GOLM2: variants seen among roughly 807,000 people sequenced by gnomAD.
GOLM2 encodes the protein golgi membrane protein 2, also known as protein GOLM2.
A neutral mutation model predicts 55.9 loss-of-function variants in GOLM2; 26 were observed. The ratio of observed to expected loss-of-function variants is 0.47; its 90% CI spans 0.34 to 0.65. The LOEUF is 0.65. GOLM2 is among the 30% of genes least tolerant of loss of function. The pLI is 0.01. For missense variants in GOLM2, 486 were observed against 531.8 expected (o/e 0.91, Z 0.85); for synonymous variants, 165 against 194.6 (o/e 0.85, Z 1.27).
intron 1 of GOLM2, among the ~76,000 whole-genome samples, chr15:44,291,642 ACTATTTT>A (rs1163088861): frequency 6.6e-6 from 1 of 152,106 alleles, no homozygotes; most frequent in Non-Finnish European, 1.5e-5. Flanking sequence ...CTATTTGGAA[ACTATTTT>A]CTTTCTTGCT....
intron 6 of GOLM2, among the ~76,000 whole-genome samples, chr15:44,342,029 T>C (rs1279784658): frequency 6.6e-6 from 1 of 152,084 alleles, no homozygotes; most frequent in African/African-American, 2.4e-5. Context: ...TGAATAGCGC[T>C]ACTTTTGATG....
At chr15:44,400,409 C>T (rs1048651433) in intron 8 of GOLM2, among the ~76,000 whole-genome samples, 42 of 151,696 alleles carry the variant, frequency 2.8e-4, no homozygotes, top group East Asian at 7.8e-4. Flanking sequence ...ACCTCCGCCT[C>T]CCGGGTTCCA....
intron 1 of GOLM2, among the ~76,000 whole-genome samples, chr15:44,317,858 AC>A (rs1357782548): frequency 1.3e-5 from 2 of 152,162 alleles, no homozygotes; most frequent in Non-Finnish European, 2.9e-5. Flanking sequence ...TCATCTAGTC[AC>A]CCCGATTAGA....
At chr15:44,319,600 TTTTTGA>T (rs2078935368) in intron 1 of GOLM2, among the ~76,000 whole-genome samples, 1 of 152,136 alleles carries the variant, frequency 6.6e-6, no homozygotes, top group East Asian at 1.9e-4. Context: ...TTCATTTTTG[TTTTTGA>T]GACAGGGTCT....
intron 1 of GOLM2, among the ~76,000 whole-genome samples, chr15:44,292,199 ATAT>A (rs917979129): frequency 2.2e-5 from 3 of 137,390 alleles, no homozygotes; most frequent in African/African-American, 6.4e-5. Context: ...ATATATATAT[ATAT>A]TTTTTTTTTT....
rs565580200 is a variant in GOLM2, at chr15:44,375,156, G to T, written c.803-4534G>T. Among the ~76,000 whole-genome samples, 53 of 152,168 alleles carry T rather than the reference G, an allele frequency of 3.5e-4. No homozygotes were observed. In the South Asian group the frequency reaches 8.9e-3, roughly 26 times the overall value. ...CTGCCTCAGCCTCCTGAATAGCTGG[G>T]ATTACAGGCACACACCATTATACCC... On this transcript the variant is annotated intron_variant, in intron 6 of 9. Coordinates refer to ENST00000299957, the MANE Select transcript of GOLM2 (RefSeq NM_138423.4).
intron 1 of GOLM2, among the ~76,000 whole-genome samples, chr15:44,316,665 G>A (rs568461084): frequency 3.3e-4 from 50 of 151,634 alleles, no homozygotes; most frequent in African/African-American, 1.2e-3. Context: ...TGAGGCAGGA[G>A]AATGGCATGA....
intron 2 of GOLM2, among the ~76,000 whole-genome samples, chr15:44,326,745 G>A (rs1265646246): frequency 2.7e-5 from 4 of 149,724 alleles, no homozygotes; most frequent in Non-Finnish European, 5.9e-5. Flanking sequence ...TCCGCCACTC[G>A]GGTTCAAGTG....
intron 1 of GOLM2, among the ~76,000 whole-genome samples, chr15:44,304,230 CTTTTTTTTTTT>C (rs895623812): frequency 2.9e-4 from 24 of 82,926 alleles, no homozygotes; most frequent in African/African-American, 8.0e-4. Context: ...GGCTCCACTT[CTTTTTTTTTTT>C]TTTTTTTTTT....
intron 1 of GOLM2, among the ~76,000 whole-genome samples, chr15:44,302,542 G>A (rs1178043854): frequency 1.3e-5 from 2 of 151,498 alleles, no homozygotes; most frequent in Non-Finnish European, 2.9e-5. Context: ...CCAGGCTATA[G>A]TGCAGTGTCA....
intron 1 of GOLM2, among the ~76,000 whole-genome samples, chr15:44,310,454 CTATATATA>C (rs66828619): frequency 1.4e-5 from 2 of 142,606 alleles, no homozygotes; most frequent in African/African-American, 5.3e-5. Flanking sequence ...CTCTCTCTCT[CTATATATA>C]TATATATGTA....
At chr15:44,316,670 G>T (rs947685240) in intron 1 of GOLM2, among the ~76,000 whole-genome samples, 1 of 151,646 alleles carries the variant, frequency 6.6e-6, no homozygotes, top group Non-Finnish European at 1.5e-5. Context: ...CAGGAGAATG[G>T]CATGAACCCG....
intron 8 of GOLM2, among the ~76,000 whole-genome samples, chr15:44,383,675 C>CTTTTTTTTTTTTTTTTTTTTTTTTTT: frequency 7.9e-6 from 1 of 125,904 alleles, no homozygotes; most frequent in Non-Finnish European, 1.7e-5. Context: ...TTCTTTTTTT[C>CTTTTTTTTTTTTTTTTTTTTTTTTTT]TTTTTTTTTT....
intron 8 of GOLM2, among the ~76,000 whole-genome samples, chr15:44,388,961 G>A (rs1385200705): frequency 1.3e-5 from 2 of 151,846 alleles, no homozygotes; most frequent in African/African-American, 2.4e-5. Context: ...GACTACAGAC[G>A]CCTGCCACCA....
chr15:44,410,022 A>G (rs1329901025), intron 9 of GOLM2, among the ~76,000 whole-genome samples: 1 of 152,130 alleles, frequency 6.6e-6, no homozygotes, highest in Non-Finnish European at 1.5e-5. Context: ...ATTAAGTCTT[A>G]TCTTAATTTA....
chr15:44,312,674 G>A (rs118142048), intron 1 of GOLM2, among the ~76,000 whole-genome samples: 4,502 of 152,172 alleles, frequency 0.03, 104 homozygotes, highest in East Asian at 0.1. Context: ...GGCCTGGCGC[G>A]GTGGCTCATG....
intron 6 of GOLM2, among the ~76,000 whole-genome samples, chr15:44,378,520 G>C (rs1249861385): frequency 1.3e-5 from 2 of 151,438 alleles, no homozygotes; most frequent in African/African-American, 4.9e-5. Context: ...ACCATGCCCG[G>C]CTAATTTTTT....
rs79259027 is a variant in GOLM2, at chr15:44,354,089, A to T, written c.802+15772A>T. ...CACAAAAATTAGAAGAAGAAAATGT[A>T]AGTAATGCATTTCCTCAAAAAATTA... On this transcript the variant is annotated intron_variant, in intron 6 of 9. Coordinates refer to ENST00000299957, the MANE Select transcript of GOLM2 (RefSeq NM_138423.4). Among the ~76,000 whole-genome samples, 1,191 of 152,174 alleles carry T rather than the reference A, an allele frequency of 7.8e-3. 14 individuals carry two copies. The highest frequency in any genetic ancestry group is 0.027 in the African/African-American group (1,135 of 41,516).
At chr15:44,337,077 G>C (rs959370507) in intron 4 of GOLM2, among the ~76,000 whole-genome samples, 40 of 152,114 alleles carry the variant, frequency 2.6e-4, no homozygotes, top group African/African-American at 9.7e-4. Context: ...AGAGGAACCT[G>C]TATATGGCAT....
Sources: allele counts gnomAD v4.1 joint callset (sites outside exome capture counted in the v4.1 genomes callset), GRCh38; gene constraint gnomAD v4.1.1; transcripts MANE v1.5; gene names NCBI Gene and HGNC (gene_info 2026-07-23, HGNC 2026-07-21).